The following ATP2C2 variants were observed in gnomAD, a reference collection of about 807,000 sequenced individuals.
The protein encoded by ATP2C2 is ATPase secretory pathway Ca2+ transporting 2, also known as calcium-transporting ATPase type 2C member 2.
Under a neutral mutation model 110.8 loss-of-function variants are expected in ATP2C2, and 171 were observed. The ratio of observed to expected loss-of-function variants is 1.54; its 90% CI spans 1.36 to 1.75. ATP2C2 has a LOEUF of 1.75. Ranked by LOEUF, ATP2C2 falls within the 40% of genes most tolerant of loss-of-function variation. ATP2C2 has a pLI of 0.00. For synonymous variants in ATP2C2, 804 were observed against 508.4 expected (o/e 1.58, Z -7.82); for missense variants, 1,963 against 1,235.0 (o/e 1.59, Z -8.84).
intron 15 of ATP2C2, among the ~76,000 whole-genome samples, chr16:84,446,116 C>A (rs974779240): frequency 6.6e-6 from 1 of 151,594 alleles, no homozygotes; most frequent in Non-Finnish European, 1.5e-5. Context: ...TTGCAAAGAC[C>A]GTCTTGTCTG....
At chr16:84,375,469 A>C (rs1284979722) in intron 1 of ATP2C2, among the ~76,000 whole-genome samples, 1 of 151,064 alleles carries the variant, frequency 6.6e-6, no homozygotes. Context: ...TGAATCGGGG[A>C]GGCACATGTT....
intron 7 of ATP2C2, among the ~76,000 whole-genome samples, chr16:84,417,762 AG>A (rs1365789282): frequency 6.6e-6 from 1 of 152,240 alleles, no homozygotes; most frequent in African/African-American, 2.4e-5. Flanking sequence ...GATACCACGA[AG>A]GTTATTTTAA....
In ATP2C2 at chr16:84,443,149, GGA is replaced by G. The variant is rs1853408540; in HGVS notation, c.1401+554_1401+555del. ...GTGCTCAGAGGACAAGTTAGAAGAA[GGA>G]GAGGCAGAAAACATGGGCTGGGAAT... On this transcript the variant is annotated intron_variant, in intron 15 of 26. Coordinates refer to ENST00000262429, the MANE Select transcript of ATP2C2 (RefSeq NM_014861.4). Among the ~76,000 whole-genome samples the G allele has an allele frequency of 3.3e-5, 5 of 152,248 alleles. No individual in the cohort carries two copies. The South Asian group carries it at 1.0e-3, about 32-fold the overall frequency.
rs1466438171 is a variant in ATP2C2 at position 84,464,001 on chromosome 16, A to G, written c.*269A>G. 3 of 352,866 alleles carry G rather than the reference A, an allele frequency of 8.5e-6. No individual in the cohort carries two copies. Among genetic ancestry groups the G allele is most frequent in the African/African-American group, 2.1e-5 (1 of 48,400 alleles). The allele number at this position is 352,866 out of a possible 1,614,324, so 21.9% of individuals were successfully genotyped here. ...TTATTAAATCACAATGATTTTTATT[A>G]ACCATGTCTAACTACGTATCTGTGC... On this transcript the variant is annotated 3_prime_UTR_variant, in exon 27 of 27. Transcript: ENST00000262429.
intron 15 of ATP2C2, 65 bp from the exon 16 acceptor site, chr16:84,446,263 GA>G: frequency 1.1e-6 from 1 of 911,028 alleles, no homozygotes; most frequent in South Asian, 2.2e-5. Context: ...AATTTAAATG[GA>G]CTGAGCTTTG....
chr16:84,441,444 C>A (rs1381253079), intron 14 of ATP2C2, among the ~76,000 whole-genome samples: 2 of 152,032 alleles, frequency 1.3e-5, no homozygotes, highest in African/African-American at 2.4e-5. Context: ...ATGATGTTCC[C>A]CTGTTGCTGT....
chr16:84,397,056 A>G (rs1278601367), intron 1 of ATP2C2, among the ~76,000 whole-genome samples: 1 of 151,848 alleles, frequency 6.6e-6, no homozygotes, highest in Non-Finnish European at 1.5e-5. Context: ...CCTTTTTCCC[A>G]GTTTCCAGTA....
rs376495420 is a variant in ATP2C2, at chr16:84,408,068, C to A, written c.328-337C>A. Among the ~76,000 whole-genome samples the A allele has an allele frequency of 2.9e-4, 44 of 152,298 alleles. No individual in the cohort carries two copies. The South Asian group carries it at 8.3e-3, about 29-fold the overall frequency. On this transcript the variant is annotated intron_variant, in intron 3 of 26. Coordinates refer to ENST00000262429, the MANE Select transcript of ATP2C2 (RefSeq NM_014861.4). Reference sequence around the variant, plus strand: ...GGAGCTGGTGTGGTGAGAGAGGATCCTTGGCCGTCCTGAGCCAGGACTGGC... The same window carrying A: ...GGAGCTGGTGTGGTGAGAGAGGATCATTGGCCGTCCTGAGCCAGGACTGGC...
Position 84,370,258 on chromosome 16 carries a change from G to C in ATP2C2, c.99+1544G>C, listed in dbSNP as rs541725094. Reference sequence around the variant, plus strand: ...TCAGAGGTCTGACAGGTGTTCAGCCGGTCTGTCAGTGTGCTCTCCCACCTG... The same window carrying C: ...TCAGAGGTCTGACAGGTGTTCAGCCCGTCTGTCAGTGTGCTCTCCCACCTG... On this transcript the variant is annotated intron_variant, in intron 1 of 26. Coordinates refer to ENST00000262429, the MANE Select transcript of ATP2C2 (RefSeq NM_014861.4). Among the ~76,000 whole-genome samples, 67 of 152,184 alleles carry C rather than the reference G, an allele frequency of 4.4e-4. 2 individuals are homozygous for C. Among genetic ancestry groups the C allele is most frequent in the Non-Finnish European group, 1.3e-4 (9 of 68,034 alleles).
At chr16:84,430,828 T>A (rs933159016) in intron 11 of ATP2C2, among the ~76,000 whole-genome samples, 2 of 151,966 alleles carry the variant, frequency 1.3e-5, no homozygotes, top group African/African-American at 4.8e-5. Context: ...GCACAACTTA[T>A]GGGATCAGGG....
At chr16:84,392,002 C>T (rs765371231) in intron 1 of ATP2C2, among the ~76,000 whole-genome samples, 8 of 150,884 alleles carry the variant, frequency 5.3e-5, no homozygotes, top group Non-Finnish European at 8.8e-5. Flanking sequence ...ATATCAGTGA[C>T]GTCTCCTTAG....
chr16:84,374,094 T>C (rs980672321), intron 1 of ATP2C2, among the ~76,000 whole-genome samples: 2 of 152,204 alleles, frequency 1.3e-5, no homozygotes, highest in African/African-American at 4.8e-5. Flanking sequence ...ATTTCTTCAT[T>C]TGGTATCTAT....
At chr16:84,370,330 G>A (rs1405391916) in intron 1 of ATP2C2, among the ~76,000 whole-genome samples, 7 of 152,240 alleles carry the variant, frequency 4.6e-5, no homozygotes, top group Non-Finnish European at 1.0e-4. Context: ...CCCTGGGTGC[G>A]TGATGATGGG....
chr16:84,438,300 C>T (rs1176759955), intron 11 of ATP2C2, among the ~76,000 whole-genome samples: 1 of 152,198 alleles, frequency 6.6e-6, no homozygotes, highest in Admixed American at 6.5e-5. Flanking sequence ...TACAGCCCAC[C>T]CCTGGCTATG....
intron 11 of ATP2C2, among the ~76,000 whole-genome samples, chr16:84,432,722 T>C (rs936698653): frequency 7.2e-5 from 11 of 152,094 alleles, no homozygotes; most frequent in African/African-American, 2.7e-4. Flanking sequence ...GGTTTCACTA[T>C]GTTGGCCAGG....
chr16:84,455,004 GT>G lies in ATP2C2; in HGVS notation c.2147+25del. The stretch of plus-strand genomic sequence containing the variant: ...CATCATGTAAGCTGCCCTTCTGGTT[GT>G]TTTTCAGTTGCAAAAATGCCTGGGG... On this transcript the variant is annotated intron_variant, in intron 21 of 26. Coordinates refer to ENST00000262429, the MANE Select transcript of ATP2C2 (RefSeq NM_014861.4). 6.2e-7 allele frequency: 1 copy of G among 1,603,950 alleles called. No individual in the cohort carries two copies. The highest frequency in any genetic ancestry group is 8.5e-7 in the Non-Finnish European group (1 of 1,175,280).
At chr16:84,419,183 G>C (rs1242932166) in intron 7 of ATP2C2, among the ~76,000 whole-genome samples, 1 of 144,708 alleles carries the variant, frequency 6.9e-6, no homozygotes, top group East Asian at 2.1e-4. Flanking sequence ...ACTGTAGCCT[G>C]GGTGACAGAG....
chr16:84,371,080 A>AT (rs1909926827), intron 1 of ATP2C2, among the ~76,000 whole-genome samples: 1 of 152,170 alleles, frequency 6.6e-6, no homozygotes, highest in African/African-American at 2.4e-5. Context: ...GAGATGCTTT[A>AT]TTTGAGACCC....
rs189647446 is a variant in ATP2C2 at position 84,383,498 on chromosome 16, G to C, written c.99+14784G>C. Reference sequence around the variant, plus strand: ...TGAACCTGAATATAGGAATGAACCTGTTTCTTCCCAGCCATACCGTTATTC... The same window carrying C: ...TGAACCTGAATATAGGAATGAACCTCTTTCTTCCCAGCCATACCGTTATTC... On this transcript the variant is annotated intron_variant, in intron 1 of 26. Transcript: ENST00000262429. Among the ~76,000 whole-genome samples, 12 of 152,118 alleles carry C rather than the reference G, an allele frequency of 7.9e-5. No individual in the cohort carries two copies. In the East Asian group the frequency reaches 2.1e-3, roughly 27 times the overall value.
Sources: allele counts gnomAD v4.1 joint callset (sites outside exome capture counted in the v4.1 genomes callset), GRCh38; gene constraint gnomAD v4.1.1; transcripts MANE v1.5; gene names NCBI Gene and HGNC (gene_info 2026-07-23, HGNC 2026-07-21).